The following CRYGS variants were observed in gnomAD, a reference collection of about 807,000 sequenced individuals.
CRYGS encodes gamma-crystallin S.
Under a neutral mutation model 21.3 loss-of-function variants are expected in CRYGS, and 13 were observed. The ratio of observed to expected loss-of-function variants is 0.61; its 90% CI spans 0.40 to 0.97. The LOEUF (loss-of-function observed/expected upper bound fraction) is 0.97. Ranked by LOEUF, CRYGS falls within the 50% of genes least tolerant of loss-of-function variation. The pLI, the probability that CRYGS is intolerant of heterozygous loss-of-function variation, is 0.00. For synonymous variants in CRYGS, 67 were observed against 75.0 expected, an observed-to-expected ratio of 0.89 and a Z score of 0.55; for missense variants, 205 against 229.7, an observed-to-expected ratio of 0.89 and a Z score of 0.69.
intron 1 of CRYGS, chr3:186,539,882 C>T (rs886271790): frequency 3.7e-5 from 15 of 401,212 alleles, no homozygotes; most frequent in Non-Finnish European, 5.7e-5. Flanking sequence ...CTTTATGTTC[C>T]CACAGCTCTC....
At chr3:186,539,722 G>T in intron 1 of CRYGS, 125 bp from the exon 2 acceptor site, 1 of 1,125,760 alleles carries the variant, frequency 8.9e-7, no homozygotes, top group Non-Finnish European at 1.3e-6. Flanking sequence ...AAAATATGTA[G>T]CTGTACGTCA....
In CRYGS at chr3:186,539,515, CTT is replaced by C. The variant is rs1427827343; in HGVS notation, c.102_103del (p.Arg36LeufsTer5). The C allele has an allele frequency of 1.2e-6, 2 of 1,613,876 alleles. No individual in the cohort carries two copies. Among genetic ancestry groups the C allele is most frequent in the South Asian group, 2.2e-5 (2 of 91,084 alleles). On this transcript the variant is annotated frameshift_variant, in exon 2 of 3. Coordinates refer to ENST00000307944, the MANE Select transcript of CRYGS (RefSeq NM_017541.4). LOFTEE classifies it high-confidence loss of function. ...TTCCACTTTAATGGAGTTGCAGCGA[CTT>C]AGGTATGTGTGGAAATCTGCACAGT...
chr3:186,541,978 T>C (rs1048687841), intron 1 of CRYGS, among the ~76,000 whole-genome samples: 3 of 152,250 alleles, frequency 2.0e-5, no homozygotes, highest in Non-Finnish European at 2.9e-5. Flanking sequence ...CCTTAATTCA[T>C]ATGTTCTATT....
At chr3:186,539,316 G>T (rs750232128) in intron 2 of CRYGS, 39 bp downstream of exon 2, 1 of 1,611,660 alleles carries the variant, frequency 6.2e-7, no homozygotes, top group South Asian at 1.1e-5. Context: ...CGGACAGAGG[G>T]CGTGGGAAAC....
At chr3:186,541,914 A>G (rs144028487) in intron 1 of CRYGS, among the ~76,000 whole-genome samples, 559 of 152,318 alleles carry the variant, frequency 3.7e-3, no homozygotes, top group Admixed American at 6.7e-3. Context: ...TGACCTGTGG[A>G]GAGATCTTTA....
At chr3:186,539,723 C>T in intron 1 of CRYGS, 126 bp from the exon 2 acceptor site, 1 of 1,105,574 alleles carries the variant, frequency 9.0e-7, no homozygotes, top group South Asian at 1.4e-5. Flanking sequence ...AAATATGTAG[C>T]TGTACGTCAC....
intron 2 of CRYGS, 111 bp from the exon 3 acceptor site, chr3:186,539,079 C>G: frequency 7.7e-7 from 1 of 1,301,964 alleles, no homozygotes; most frequent in Non-Finnish European, 1.1e-6. Flanking sequence ...GCTAGATGAT[C>G]TGAACTCCCA....
intron 1 of CRYGS, among the ~76,000 whole-genome samples, chr3:186,542,862 T>A (rs1027028053): frequency 6.6e-6 from 1 of 152,142 alleles, no homozygotes; most frequent in Admixed American, 6.5e-5. Flanking sequence ...AAATTCTTTT[T>A]TAGTGGGATT....
chr3:186,543,284 C>G (rs1714109457), intron 1 of CRYGS, among the ~76,000 whole-genome samples: 1 of 152,058 alleles, frequency 6.6e-6, no homozygotes, highest in Non-Finnish European at 1.5e-5. Flanking sequence ...TTCACTGGAT[C>G]CTGTATTAGG....
rs148842396 is a variant in CRYGS at position 186,539,524 on chromosome 3, G to A, written c.95C>T (p.Thr32Ile). Reference sequence around the variant, plus strand: ...AATGGAGTTGCAGCGACTTAGGTATGTGTGGAAATCTGCACAGTCGCAATC... The same window carrying A: ...AATGGAGTTGCAGCGACTTAGGTATATGTGGAAATCTGCACAGTCGCAATC... ...DCDCDCADFH[T>I]YLSRCNSIKV... Residue 32 changes from threonine (T) to isoleucine (I), a missense_variant, in exon 2 of 3, where the codon ACA (threonine) becomes ATA (isoleucine). Physicochemically the swap from Thr to Ile is moderately conservative, Grantham distance 89 (BLOSUM62 -1). Transcript: ENST00000307944. The A allele has an allele frequency of 6.6e-5, 106 of 1,614,068 alleles. No homozygotes were observed. The highest frequency in any genetic ancestry group is 8.9e-5 in the East Asian group (4 of 44,892).
chr3:186,538,872 G>A lies in CRYGS; in HGVS notation c.361C>T (p.Gln121Ter). The A allele has an allele frequency of 6.2e-7, 1 of 1,614,044 alleles. No individual in the cohort carries two copies. The highest frequency in any genetic ancestry group is 8.5e-7 in the Non-Finnish European group (1 of 1,179,996). Residue 121 changes from glutamine (Q) to a stop codon, truncating the protein, a stop_gained, in exon 3 of 3, where the codon CAA (glutamine) becomes TAA (stop). Transcript: ENST00000307944. LOFTEE classifies it high-confidence loss of function. ...TTEDCPSIME[Q>*]FHMREIHSCK... ...GAGTGGATCTCTCGCATGTGAAATTGCTCCATGATGGAAGGGCAATCTTCG... is the reference window on the plus strand; with the variant it reads ...GAGTGGATCTCTCGCATGTGAAATTACTCCATGATGGAAGGGCAATCTTCG...
chr3:186,538,624 G>A lies in CRYGS; in HGVS notation c.*72C>T. ...TGGGATGCATGCCAACTGTTTTATT[G>A]ATGATGCCTATTTGGACCACAAGGC... On this transcript the variant is annotated 3_prime_UTR_variant, in exon 3 of 3. Coordinates refer to ENST00000307944, the MANE Select transcript of CRYGS (RefSeq NM_017541.4). 1.9e-6 allele frequency: 3 copies of A among 1,591,592 alleles called. No homozygotes were observed. The South Asian group carries it at 3.3e-5, about 18-fold the overall frequency.
chr3:186,539,870 T>C, intron 1 of CRYGS: 1 of 416,304 alleles, frequency 2.4e-6, no homozygotes, highest in Middle Eastern at 7.6e-4. Flanking sequence ...TCATTTTCCT[T>C]CCTTTATGTT....
At position 186,538,847 on chromosome 3, in the gene CRYGS, G is replaced by A. The variant is rs780713400; in HGVS notation, c.386C>T (p.Ser129Phe). 1.9e-6 allele frequency: 3 copies of A among 1,613,994 alleles called. No individual in the cohort carries two copies. Among genetic ancestry groups the A allele is most frequent in the African/African-American group, 2.7e-5 (2 of 74,900 alleles). ...MEQFHMREIH[S>F]CKVLEGVWIF... is the part of the protein sequence containing the mutation. Reference sequence around the variant, plus strand: ...CCAGACACCCTCCAGCACCTTACAGGAGTGGATCTCTCGCATGTGAAATTG... The same window carrying A: ...CCAGACACCCTCCAGCACCTTACAGAAGTGGATCTCTCGCATGTGAAATTG... The change falls in exon 3 of 3, where the codon TCC becomes TTC. Residue 129 changes from serine (S) to phenylalanine (F), a missense_variant. Transcript: ENST00000307944.
intron 1 of CRYGS, chr3:186,540,158 A>T (rs1243918760): frequency 1.3e-5 from 2 of 154,474 alleles, no homozygotes; most frequent in East Asian, 1.9e-4. Context: ...GTATCATATC[A>T]TGTTCTTTAT....
intron 1 of CRYGS, among the ~76,000 whole-genome samples, chr3:186,541,039 T>A (rs1215223892): frequency 6.6e-6 from 1 of 152,150 alleles, no homozygotes; most frequent in African/African-American, 2.4e-5. Flanking sequence ...TAGAAACGGA[T>A]GGCTGCTGTG....
chr3:186,538,685 CA>C lies in CRYGS; in HGVS notation c.*10del. On this transcript the variant is annotated 3_prime_UTR_variant, in exon 3 of 3. Transcript: ENST00000307944. ...TTGGGCCCCAGGAAGAATATGGCCC[CA>C]TTCATGTCATTACTCCACAATGCGG... is the stretch of plus-strand genomic sequence containing the variant. 1 of 1,614,148 alleles carries C rather than the reference CA, an allele frequency of 6.2e-7. No homozygotes were observed. Among genetic ancestry groups the C allele is most frequent in the Admixed American group, 1.7e-5 (1 of 60,016 alleles).
At chr3:186,543,403 TAC>T (rs925715753) in intron 1 of CRYGS, among the ~76,000 whole-genome samples, 2 of 152,152 alleles carry the variant, frequency 1.3e-5, no homozygotes, top group African/African-American at 4.8e-5. Flanking sequence ...ATGCTAGTGA[TAC>T]AGTGTTTATA....
intron 1 of CRYGS, 181 bp from the exon 2 acceptor site, chr3:186,539,778 A>G (rs1254723474): frequency 3.0e-6 from 2 of 661,922 alleles, no homozygotes; most frequent in African/African-American, 3.6e-5. Flanking sequence ...TGTCAACAAC[A>G]GAAATGAGTT....
Sources: gnomAD v4.1 joint callset for allele counts (sites outside exome capture counted in the v4.1 genomes callset) on GRCh38, gnomAD v4.1.1 for gene constraint, MANE v1.5 for transcripts, NCBI Gene and HGNC (gene_info 2026-07-23, HGNC 2026-07-21) for gene names.